TIAM1: variants seen among roughly 807,000 people sequenced by gnomAD.
The protein encoded by TIAM1 is TIAM Rac1 associated GEF 1.
In TIAM1, 65 loss-of-function variants were observed where a neutral mutation model predicts 163.5. The observed-to-expected ratio is 0.40, with a 90% CI of 0.33 to 0.49. The LOEUF is 0.49. TIAM1 is among the 20% of genes least tolerant of loss of function. The pLI, the probability that TIAM1 is intolerant of heterozygous loss-of-function variation, is 0.77. For synonymous variants in TIAM1, 833 were observed against 810.1 expected, an observed-to-expected ratio of 1.03 and a Z score of -0.48; for missense variants, 1,789 against 2,044.7, an observed-to-expected ratio of 0.87 and a Z score of 2.41.
intron 2 of TIAM1, among the ~76,000 whole-genome samples, chr21:31,377,183 CTT>C (rs10585362): frequency 0.69 from 97,021 of 140,206 alleles, 33,546 homozygotes; most frequent in Middle Eastern, 0.76. Flanking sequence ...CTGGCTGAAA[CTT>C]TTTTTTTTTT....
At chr21:31,522,033 G>A (rs1232766077) in intron 1 of TIAM1, among the ~76,000 whole-genome samples, 2 of 151,702 alleles carry the variant, frequency 1.3e-5, no homozygotes, top group Non-Finnish European at 2.9e-5. Flanking sequence ...AACCACGCCC[G>A]GATAATTTTT....
At chr21:31,196,616 G>C (rs1342112570) in intron 12 of TIAM1, among the ~76,000 whole-genome samples, 1 of 151,944 alleles carries the variant, frequency 6.6e-6, no homozygotes, top group African/African-American at 2.4e-5. Context: ...CACCATGCCC[G>C]GCTGAGAAGG....
At chr21:31,231,061 G>A (rs2088389148) in intron 6 of TIAM1, among the ~76,000 whole-genome samples, 1 of 152,174 alleles carries the variant, frequency 6.6e-6, no homozygotes, top group Admixed American at 6.5e-5. Flanking sequence ...CCAGTAAAAT[G>A]TGAGTAGAAG....
intron 1 of TIAM1, among the ~76,000 whole-genome samples, chr21:31,552,133 C>CTGCA (rs1218037880): frequency 7.1e-6 from 1 of 141,764 alleles, no homozygotes; most frequent in East Asian, 2.3e-4. Context: ...TCTCGGCTCA[C>CTGCA]TGCAACCTCC....
chr21:31,435,130 C>A (rs2044169057), intron 2 of TIAM1, among the ~76,000 whole-genome samples: 1 of 152,162 alleles, frequency 6.6e-6, no homozygotes, highest in African/African-American at 2.4e-5. Context: ...GGCCACACCA[C>A]CCCTTTGCCT....
intron 2 of TIAM1, among the ~76,000 whole-genome samples, chr21:31,432,146 G>A (rs1449172621): frequency 7.3e-6 from 1 of 136,534 alleles, no homozygotes; most frequent in Non-Finnish European, 1.5e-5. Context: ...CTGACACCAG[G>A]CTGGAGGGCA....
chr21:31,490,894 A>G (rs1161646400), intron 1 of TIAM1, among the ~76,000 whole-genome samples: 1 of 152,248 alleles, frequency 6.6e-6, no homozygotes, highest in Non-Finnish European at 1.5e-5. Flanking sequence ...TGGGAGGCCA[A>G]GGTGGGCGGA....
At chr21:31,514,191 A>G (rs945598737) in intron 1 of TIAM1, among the ~76,000 whole-genome samples, 3 of 152,160 alleles carry the variant, frequency 2.0e-5, no homozygotes, top group African/African-American at 7.2e-5. Flanking sequence ...CCTGACTTGT[A>G]GAATCAAAGA....
At chr21:31,363,352 C>G (rs1445925348) in intron 2 of TIAM1, among the ~76,000 whole-genome samples, 1 of 152,084 alleles carries the variant, frequency 6.6e-6, no homozygotes, top group Non-Finnish European at 1.5e-5. Context: ...CCACTTTGGC[C>G]CTAAATCAAC....
intron 6 of TIAM1, among the ~76,000 whole-genome samples, chr21:31,239,752 T>C (rs917320959): frequency 6.6e-6 from 1 of 152,182 alleles, no homozygotes; most frequent in Non-Finnish European, 1.5e-5. Flanking sequence ...CAAAAGATGA[T>C]ATTGAAATGG....
chr21:31,193,699 C>A (rs1460236507), intron 13 of TIAM1, among the ~76,000 whole-genome samples: 1 of 152,140 alleles, frequency 6.6e-6, no homozygotes, highest in African/African-American at 2.4e-5. Flanking sequence ...TGAAAAGCAA[C>A]CCCCAAATAA....
chr21:31,177,183 C>T (rs542126062), intron 15 of TIAM1, among the ~76,000 whole-genome samples: 89 of 152,280 alleles, frequency 5.8e-4, no homozygotes, highest in African/African-American at 2.1e-3. Flanking sequence ...TTTTATGCCT[C>T]ATTTGGTCCT....
At position 31,372,494 on chromosome 21, in the gene TIAM1, C is replaced by T. The variant is rs112847693; in HGVS notation, c.-368-33072G>A. Among the ~76,000 whole-genome samples, 1,315 of 152,202 alleles carry T rather than the reference C, an allele frequency of 8.6e-3. 10 individuals are homozygous for T. Among genetic ancestry groups the T allele is most frequent in the African/African-American group, 0.03 (1,259 of 41,520 alleles). On this transcript the variant is annotated intron_variant, in intron 2 of 28. Coordinates refer to the TIAM1 transcript ENST00000286827. ...CTGCTCAGCCGGAACCTAAGAACCA[C>T]GAGAGCAGTGGGAGAGGAGCCACAG...
chr21:31,189,626 G>A (rs2284478), intron 13 of TIAM1, among the ~76,000 whole-genome samples: 2,306 of 152,214 alleles, frequency 0.015, 39 homozygotes, highest in African/African-American at 0.044. Flanking sequence ...CATTAGCTCT[G>A]TACTGGAATT....
rs1049363755 is a variant in TIAM1, at chr21:31,120,831, G to A, written c.4313C>T (p.Ala1438Val). 6.2e-7 allele frequency: 1 copy of A among 1,609,238 alleles called. No homozygotes were observed. The highest frequency in any genetic ancestry group is 8.5e-7 in the Non-Finnish European group (1 of 1,177,642). The change falls in exon 28 of 28, where the codon GCC becomes GTC. Residue 1438 changes from alanine to valine, a missense_variant. Ala to Val is a moderately conservative substitution (Grantham distance 64, BLOSUM62 0). Coordinates refer to ENST00000541036, the MANE Select transcript of TIAM1 (RefSeq NM_001353694.2). This position sits in a 1 kb window ranked among gnomAD's most constrained non-coding sequence, Gnocchi z 4.2. ...ARPAMSRAVS[A>V]PSKSLGRRRR... ...CCTCCTCCCAAGAGACTTGCTTGGGGCAGACACTGCACACACACACAAAAA... is the reference window on the plus strand; with the variant it reads ...CCTCCTCCCAAGAGACTTGCTTGGGACAGACACTGCACACACACACAAAAA...
upstream of TIAM1, among the ~76,000 whole-genome samples, chr21:31,345,288 C>T (rs2076126577): frequency 6.6e-6 from 1 of 152,012 alleles, no homozygotes; most frequent in African/African-American, 2.4e-5. Context: ...AGGGACTTTC[C>T]TCAAAGACAC....
chr21:31,492,288 T>C (rs2046495751), intron 1 of TIAM1, among the ~76,000 whole-genome samples: 1 of 152,146 alleles, frequency 6.6e-6, no homozygotes, highest in African/African-American at 2.4e-5. Context: ...ATTTGGAATT[T>C]CCTGGTGGGC....
In TIAM1 at chr21:31,547,128, C is replaced by T. The variant is rs528650012; in HGVS notation, c.-422+11799G>A. Among the ~76,000 whole-genome samples, 3 of 152,328 alleles carry T rather than the reference C, an allele frequency of 2.0e-5. No homozygotes were observed. The South Asian group carries it at 6.2e-4, about 32-fold the overall frequency. The stretch of plus-strand genomic sequence containing the variant: ...TGGATCACTACAATTAAAATTCAGT[C>T]TGTCCAAAAGGAACAATTTTAGCCC... On this transcript the variant is annotated intron_variant, in intron 1 of 28. Coordinates refer to the TIAM1 transcript ENST00000286827.
At chr21:31,356,672 CTT>C (rs2076321756) in intron 2 of TIAM1, among the ~76,000 whole-genome samples, 1 of 152,248 alleles carries the variant, frequency 6.6e-6, no homozygotes, top group African/African-American at 2.4e-5. Context: ...TTGCCTAGAT[CTT>C]AGACTTCTCA....
Sources: allele counts gnomAD v4.1 joint callset (sites outside exome capture counted in the v4.1 genomes callset), GRCh38; gene constraint gnomAD v4.1.1; non-coding constraint Gnocchi (gnomAD v3.1); transcripts MANE v1.5; gene names NCBI Gene and HGNC (gene_info 2026-07-23, HGNC 2026-07-21).